RAP1A: variants seen among roughly 807,000 people sequenced by gnomAD.
RAP1A encodes the protein ras-related protein Rap-1A.
RAP1A carries 6 observed loss-of-function variants against 26.4 expected under a neutral mutation model. That is an observed-to-expected ratio of 0.23 (90% confidence interval 0.12 to 0.45). The LOEUF is 0.45. RAP1A is among the 20% of genes least tolerant of loss of function. The probability of loss-of-function intolerance (pLI) is 0.99; values close to 1 mark genes in which losing one functional copy is unlikely to be tolerated. For missense variants in RAP1A, 121 were observed against 217.2 expected, an observed-to-expected ratio of 0.56 and a Z score of 2.78; for synonymous variants, 73 against 79.4, an observed-to-expected ratio of 0.92 and a Z score of 0.43.
At chr1:111,604,598 T>C (rs1216060433) in intron 1 of RAP1A, 1 of 152,268 alleles carries the variant, frequency 6.6e-6, no homozygotes, top group African/African-American at 2.4e-5. Context: ...TGGATTTCTT[T>C]ATAATGCTAC....
intron 1 of RAP1A, among the ~76,000 whole-genome samples, chr1:111,605,764 T>C (rs1352581108): frequency 6.6e-6 from 1 of 152,240 alleles, no homozygotes; most frequent in African/African-American, 2.4e-5. Context: ...AGCAGTCTCC[T>C]GGGCCACAGC....
At chr1:111,618,959 T>A (rs1244590372), upstream of RAP1A, among the ~76,000 whole-genome samples, 1 of 152,246 alleles carries the variant, frequency 6.6e-6, no homozygotes, top group Admixed American at 6.5e-5. Context: ...TCAGCAAGAC[T>A]AACTTTTAAC....
At chr1:111,628,108 T>C (rs1187359805) in intron 1 of RAP1A, among the ~76,000 whole-genome samples, 3 of 152,166 alleles carry the variant, frequency 2.0e-5, no homozygotes, top group Non-Finnish European at 2.9e-5. Flanking sequence ...AGGAGAATAA[T>C]ATCTACCCCA....
At chr1:111,628,539 G>T (rs1213997742) in intron 1 of RAP1A, among the ~76,000 whole-genome samples, 1 of 152,212 alleles carries the variant, frequency 6.6e-6, no homozygotes, top group Non-Finnish European at 1.5e-5. Flanking sequence ...GCTTTGGTAT[G>T]TGGAAAATGA....
chr1:111,715,085 C>CT lies in RAP1A; in HGVS notation c.*2697dup, dbSNP rs201958004. On this transcript the variant is annotated 3_prime_UTR_variant, in exon 8 of 8. Transcript: ENST00000369709. Reference sequence around the variant, plus strand: ...GGGGGAGCTTCAACATCGGTTAATACTTTTTTTTTTTTTGAGATGGAGTCT... The same window carrying CT: ...GGGGGAGCTTCAACATCGGTTAATACTTTTTTTTTTTTTTGAGATGGAGTCT... 30,941 of 146,824 alleles carry CT rather than the reference C, an allele frequency of 0.21. 3,242 individuals carry two copies. The highest frequency in any genetic ancestry group is 0.27 in the South Asian group (1,235 of 4,652). The allele number at this position is 146,824 out of a possible 1,614,324, so 9.1% of individuals were successfully genotyped here.
chr1:111,608,168 C>T (rs555174849), intron 1 of RAP1A: 166 of 174,384 alleles, frequency 9.5e-4, no homozygotes, highest in Non-Finnish European at 1.7e-3. Flanking sequence ...GGCGGAGGGT[C>T]TCCTCACTTC....
chr1:111,616,475 C>A (rs149310816), upstream of RAP1A, among the ~76,000 whole-genome samples: 64 of 152,240 alleles, frequency 4.2e-4, 2 homozygotes, highest in East Asian at 0.01. Flanking sequence ...GTCCCCTAAC[C>A]GCCTTACTCA....
At chr1:111,589,575 T>C (rs944601805) in intron 1 of RAP1A, among the ~76,000 whole-genome samples, 34 of 152,284 alleles carry the variant, frequency 2.2e-4, no homozygotes, top group Admixed American at 2.0e-3. Context: ...GGGCCTTAAC[T>C]CCTTACACTG....
intron 4 of RAP1A, among the ~76,000 whole-genome samples, chr1:111,701,437 C>T (rs556754120): frequency 4.6e-5 from 7 of 152,310 alleles, no homozygotes; most frequent in Admixed American, 4.6e-4. Flanking sequence ...TCAAAATAAA[C>T]TCCCAACCTT....
intron 1 of RAP1A, among the ~76,000 whole-genome samples, chr1:111,667,401 A>G (rs1363573463): frequency 6.6e-6 from 1 of 152,162 alleles, no homozygotes; most frequent in Non-Finnish European, 1.5e-5. Context: ...ATGTAGATTC[A>G]TGGCTGGGCA....
chr1:111,704,258 G>A, intron 5 of RAP1A, 85 bp from the exon 6 acceptor site: 1 of 1,405,804 alleles, frequency 7.1e-7, no homozygotes, highest in South Asian at 1.4e-5. Context: ...ATTTCAGTTG[G>A]TGGCAGATAA....
At chr1:111,666,909 A>G (rs1486010988) in intron 1 of RAP1A, among the ~76,000 whole-genome samples, 1 of 152,234 alleles carries the variant, frequency 6.6e-6, no homozygotes, top group Non-Finnish European at 1.5e-5. Flanking sequence ...AAAGATGGCC[A>G]GTGTGGCTGT....
chr1:111,691,279 A>G (rs1661657096), intron 1 of RAP1A, 55 bp from the exon 2 acceptor site: 2 of 1,322,286 alleles, frequency 1.5e-6, no homozygotes, highest in Non-Finnish European at 1.1e-6. Context: ...AGTAGTGTAC[A>G]TTATTAGACT....
intron 1 of RAP1A, among the ~76,000 whole-genome samples, chr1:111,646,444 A>AAAC: frequency 6.6e-6 from 1 of 151,476 alleles, no homozygotes; most frequent in Non-Finnish European, 1.5e-5. Context: ...ACAAAACAAA[A>AAAC]CCTCAATTCC....
At chr1:111,586,368 A>G (rs1658364741) in intron 1 of RAP1A, among the ~76,000 whole-genome samples, 1 of 152,218 alleles carries the variant, frequency 6.6e-6, no homozygotes, top group Admixed American at 6.5e-5. Flanking sequence ...GACTTCAGAG[A>G]TGTCAAAAAA....
rs544012614 is a variant in RAP1A, at chr1:111,573,173, T to G, written c.-28+30664T>G. On this transcript the variant is annotated intron_variant, in intron 1 of 7. Transcript: ENST00000356415. The stretch of plus-strand genomic sequence containing the variant: ...ATTGATGGGCATTTAGTTCATTCCA[T>G]GTATTTGCTATTGTGAATAGTGCTC... Among the ~76,000 whole-genome samples the G allele has an allele frequency of 3.9e-5, 6 of 152,336 alleles. No homozygotes were observed. The South Asian group carries it at 1.2e-3, about 32-fold the overall frequency.
intron 1 of RAP1A, among the ~76,000 whole-genome samples, chr1:111,575,735 C>A (rs1402331003): frequency 6.6e-6 from 1 of 152,152 alleles, no homozygotes; most frequent in East Asian, 1.9e-4. Context: ...GACACCAAAC[C>A]TGCTGACACC....
intron 1 of RAP1A, among the ~76,000 whole-genome samples, chr1:111,578,397 A>G (rs1658186655): frequency 6.6e-6 from 1 of 152,174 alleles, no homozygotes; most frequent in Admixed American, 6.5e-5. Flanking sequence ...AGTTTGGGCA[A>G]TGAAAAGCCA....
At chr1:111,599,906 G>A (rs1336455678) in intron 1 of RAP1A, 1 of 152,126 alleles carries the variant, frequency 6.6e-6, no homozygotes, top group South Asian at 2.1e-4. Flanking sequence ...GGTGATGAGT[G>A]AACTCTCACT....
Sources: allele counts gnomAD v4.1 joint callset (sites outside exome capture counted in the v4.1 genomes callset), GRCh38; gene constraint gnomAD v4.1.1; transcripts MANE v1.5; gene names NCBI Gene and HGNC (gene_info 2026-07-23, HGNC 2026-07-21).